Variants in EPHA6 observed in about 807,000 individuals in gnomAD.
EPHA6 encodes the protein ephrin type-A receptor 6.
EPHA6 carries 50 observed loss-of-function variants against 112.0 expected under a neutral mutation model. The observed-to-expected ratio is 0.45, with a 90% CI of 0.36 to 0.56. The LOEUF is 0.56. Among genes scored for constraint, EPHA6 ranks in the 20% least tolerant of loss-of-function variants. The probability of loss-of-function intolerance (pLI) is 0.00; values close to 1 mark genes in which losing one functional copy is unlikely to be tolerated. For missense variants in EPHA6, 1,280 were observed against 1,417.4 expected (o/e 0.90, Z 1.56); for synonymous variants, 529 against 490.7 (o/e 1.08, Z -1.03).
chr3:97,324,440 T>TCTTTCTTTCTTC (rs2082293840), intron 5 of EPHA6, among the ~76,000 whole-genome samples: 1 of 147,878 alleles, frequency 6.8e-6, no homozygotes, highest in Admixed American at 6.8e-5. Flanking sequence ...TTTCTTTCTT[T>TCTTTCTTTCTTC]CTTTCTTTCT....
intron 9 of EPHA6, chr3:97,481,403 G>T: frequency 6.9e-7 from 1 of 1,459,500 alleles, no homozygotes; most frequent in Non-Finnish European, 9.6e-7. Flanking sequence ...TTTGCTGTGG[G>T]TTTTATCTGT....
chr3:97,330,104 G>A (rs2082707509), intron 5 of EPHA6, among the ~76,000 whole-genome samples: 1 of 151,796 alleles, frequency 6.6e-6, no homozygotes. Flanking sequence ...TTTTTGTCAG[G>A]TTTGTCAAAG....
intron 1 of EPHA6, among the ~76,000 whole-genome samples, chr3:96,851,884 A>G (rs1213047990): frequency 2.0e-5 from 3 of 152,200 alleles, no homozygotes; most frequent in African/African-American, 7.2e-5. Flanking sequence ...GGGACGCAGA[A>G]GCGTCATGTT....
At chr3:97,730,917 G>A (rs2035004313) in intron 15 of EPHA6, among the ~76,000 whole-genome samples, 1 of 152,196 alleles carries the variant, frequency 6.6e-6, no homozygotes, top group African/African-American at 2.4e-5. Flanking sequence ...TGGAGCCAAG[G>A]GTAAAACGGA....
intron 14 of EPHA6, among the ~76,000 whole-genome samples, chr3:97,718,840 G>T (rs1215852159): frequency 6.6e-6 from 1 of 152,058 alleles, no homozygotes; most frequent in Non-Finnish European, 1.5e-5. Flanking sequence ...TACATCATAT[G>T]ACAGCATTAA....
intron 11 of EPHA6, among the ~76,000 whole-genome samples, chr3:97,533,037 C>A (rs2092713062): frequency 6.6e-6 from 1 of 151,750 alleles, no homozygotes; most frequent in Non-Finnish European, 1.5e-5. Flanking sequence ...GTTTACAATT[C>A]CTCAAGTAAA....
rs1414973912 is a variant in EPHA6, at chr3:97,326,308, T to A, written c.1607-78842T>A. Among the ~76,000 whole-genome samples, 3 of 140,354 alleles carry A rather than the reference T, an allele frequency of 2.1e-5. No individual in the cohort carries two copies. The South Asian group carries it at 6.7e-4, about 31-fold the overall frequency. 92.1% of individuals were successfully genotyped at this position (140,354 alleles called of 152,430 possible). ...ACAACAGCAGCTGTTCCTGGTAACATTTTGCAGCATTATATGCAATAGTAG... is the reference window on the plus strand; with the variant it reads ...ACAACAGCAGCTGTTCCTGGTAACAATTTGCAGCATTATATGCAATAGTAG... On this transcript the variant is annotated intron_variant, in intron 5 of 17. Coordinates refer to ENST00000389672, the MANE Select transcript of EPHA6 (RefSeq NM_001080448.3).
intron 14 of EPHA6, among the ~76,000 whole-genome samples, chr3:97,703,208 C>T (rs1469710339): frequency 1.3e-5 from 2 of 152,126 alleles, no homozygotes; most frequent in Non-Finnish European, 2.9e-5. Context: ...CTGGGCCAAA[C>T]GGTTCTGGTT....
At chr3:97,219,481 T>G (rs879864011) in intron 3 of EPHA6, among the ~76,000 whole-genome samples, 8 of 152,172 alleles carry the variant, frequency 5.3e-5, no homozygotes, top group African/African-American at 2.4e-5. Flanking sequence ...CAACAGCACA[T>G]GGAAGCTGCC....
At chr3:97,640,752 C>G (rs1198324162) in intron 14 of EPHA6, among the ~76,000 whole-genome samples, 1 of 151,980 alleles carries the variant, frequency 6.6e-6, no homozygotes, top group East Asian at 1.9e-4. Flanking sequence ...TGAACTCCAG[C>G]CTGGTCAACA....
intron 12 of EPHA6, among the ~76,000 whole-genome samples, chr3:97,601,471 C>T (rs184108008): frequency 3.9e-4 from 60 of 152,202 alleles, no homozygotes; most frequent in East Asian, 2.5e-3. Flanking sequence ...ATATAACTAA[C>T]ATGGAGACAG....
At chr3:97,112,722 T>C (rs1576509201) in intron 3 of EPHA6, among the ~76,000 whole-genome samples, 1 of 152,102 alleles carries the variant, frequency 6.6e-6, no homozygotes, top group Non-Finnish European at 1.5e-5. Context: ...TAGGTCTTCG[T>C]TCAGAGGATT....
chr3:96,999,694 T>C (rs755944416), intron 3 of EPHA6, among the ~76,000 whole-genome samples: 2 of 151,906 alleles, frequency 1.3e-5, no homozygotes, highest in Non-Finnish European at 2.9e-5. Context: ...CAACAAAATA[T>C]AGATATTGAT....
At chr3:97,120,499 T>C (rs1488604999) in intron 3 of EPHA6, among the ~76,000 whole-genome samples, 1 of 151,924 alleles carries the variant, frequency 6.6e-6, no homozygotes, top group Non-Finnish European at 1.5e-5. Flanking sequence ...GAAAGACAAG[T>C]TGATAATGGA....
At chr3:97,485,452 A>G (rs1172626537) in intron 10 of EPHA6, among the ~76,000 whole-genome samples, 2 of 152,180 alleles carry the variant, frequency 1.3e-5, no homozygotes, top group Non-Finnish European at 2.9e-5. Flanking sequence ...AAGTAGAACT[A>G]CCTCAAGAAT....
rs2107923154 is a variant in EPHA6 at position 97,752,193 on chromosome 3, A to G, written c.*3492A>G. ...CTGAATAAAACTGCCTTCCAGCAAC[A>G]GCTTTAAAACCTATCTCAGCCCATG... On this transcript the variant is annotated 3_prime_UTR_variant, in exon 18 of 18. Coordinates refer to ENST00000389672, the MANE Select transcript of EPHA6 (RefSeq NM_001080448.3). 1 of 223,640 alleles carries G rather than the reference A, an allele frequency of 4.5e-6. No homozygotes were observed. The highest frequency in any genetic ancestry group is 2.2e-5 in the African/African-American group (1 of 45,024). 13.9% of individuals were successfully genotyped at this position (223,640 alleles called of 1,614,324 possible). A position where few individuals can be genotyped will look rare whatever the true frequency, so the allele number is the denominator to read the frequency against.
At chr3:97,509,939 T>C (rs1029184856) in intron 10 of EPHA6, among the ~76,000 whole-genome samples, 2 of 152,228 alleles carry the variant, frequency 1.3e-5, no homozygotes, top group Non-Finnish European at 2.9e-5. Context: ...ATTAAATTGA[T>C]CTTTAATCTC....
intron 5 of EPHA6, among the ~76,000 whole-genome samples, chr3:97,250,593 C>T (rs985725490): frequency 1.3e-5 from 2 of 152,094 alleles, no homozygotes; most frequent in Non-Finnish European, 2.9e-5. Flanking sequence ...ACCAGATTAG[C>T]AGATGTTTAA....
chr3:97,326,832 C>G (rs1335163838), intron 5 of EPHA6, among the ~76,000 whole-genome samples: 1 of 152,040 alleles, frequency 6.6e-6, no homozygotes, highest in Non-Finnish European at 1.5e-5. Flanking sequence ...TGCCTCATTG[C>G]AGATCCTCTG....
Sources: allele counts gnomAD v4.1 joint callset (sites outside exome capture counted in the v4.1 genomes callset), GRCh38; gene constraint gnomAD v4.1.1; transcripts MANE v1.5; gene names NCBI Gene and HGNC (gene_info 2026-07-23, HGNC 2026-07-21).